The following ZNF704 variants were observed in gnomAD, a reference collection of about 807,000 sequenced individuals.
The protein encoded by ZNF704 is glucocorticoid induced gene 1.
A neutral mutation model predicts 44.7 loss-of-function variants in ZNF704; 10 were observed. The ratio of observed to expected loss-of-function variants is 0.22; its 90% confidence interval spans 0.14 to 0.38. ZNF704 has a LOEUF of 0.38. Among genes scored for constraint, ZNF704 ranks in the 10% least tolerant of loss-of-function variants. ZNF704 has a pLI of 1.00. For missense variants in ZNF704, 390 were observed against 545.5 expected (o/e 0.71, Z 2.84); for synonymous variants, 211 against 207.6 (o/e 1.02, Z -0.14).
chr8:80,704,830 T>C (rs575456523), intron 2 of ZNF704, among the ~76,000 whole-genome samples: 1 of 152,302 alleles, frequency 6.6e-6, no homozygotes, highest in African/African-American at 2.4e-5. Flanking sequence ...ATAACCTTCA[T>C]AATAAACCAG....
chr8:80,666,212 GTGTT>G (rs1156472158), intron 5 of ZNF704, among the ~76,000 whole-genome samples: 3 of 145,942 alleles, frequency 2.1e-5, no homozygotes, highest in Admixed American at 1.4e-4. Context: ...AGAATATGCA[GTGTT>G]TGGTTTTTTG....
intron 7 of ZNF704, among the ~76,000 whole-genome samples, chr8:80,651,428 T>C (rs1734499465): frequency 6.6e-6 from 1 of 152,106 alleles, no homozygotes; most frequent in South Asian, 2.1e-4. Context: ...ACCCATCTCA[T>C]GTGCAGAGAC....
chr8:80,662,733 G>A (rs535887771), intron 6 of ZNF704, among the ~76,000 whole-genome samples: 52 of 152,276 alleles, frequency 3.4e-4, no homozygotes, highest in African/African-American at 1.3e-3. Context: ...GCCATAAACT[G>A]TTCCCTCATA....
chr8:80,733,790 C>T (rs1363597228), intron 2 of ZNF704, among the ~76,000 whole-genome samples: 1 of 152,132 alleles, frequency 6.6e-6, no homozygotes, highest in Non-Finnish European at 1.5e-5. Context: ...CCATATTTTC[C>T]CATAATTTTA....
chr8:80,797,765 T>C lies in ZNF704; in HGVS notation c.221+23609A>G, dbSNP rs142514601. Reference sequence around the variant, plus strand: ...TAAAATGTCTTCAGGGTCTTTCTTCTAGTCTCTTAATCATCCCTTCTCTCT... The same window carrying C: ...TAAAATGTCTTCAGGGTCTTTCTTCCAGTCTCTTAATCATCCCTTCTCTCT... On this transcript the variant is annotated intron_variant, in intron 2 of 8. Coordinates refer to ENST00000327835, the MANE Select transcript of ZNF704 (RefSeq NM_001033723.3). Among the ~76,000 whole-genome samples the C allele has an allele frequency of 3.8e-4, 58 of 152,282 alleles. 1 individual carries two copies. The East Asian group carries it at 7.5e-3, about 20-fold the overall frequency.
chr8:80,676,186 G>C (rs1423277742), intron 4 of ZNF704, among the ~76,000 whole-genome samples: 1 of 152,178 alleles, frequency 6.6e-6, no homozygotes, highest in East Asian at 1.9e-4. Context: ...TAATAGACTG[G>C]AGAGTAAGTG....
intron 7 of ZNF704, among the ~76,000 whole-genome samples, chr8:80,656,956 T>C (rs1818025158): frequency 6.6e-6 from 1 of 152,214 alleles, no homozygotes; most frequent in South Asian, 2.1e-4. Flanking sequence ...CTTACAACTT[T>C]TAGAGCTTTG....
intron 1 of ZNF704, among the ~76,000 whole-genome samples, chr8:80,835,789 G>C (rs1000091609): frequency 6.6e-6 from 1 of 152,148 alleles, no homozygotes; most frequent in African/African-American, 2.4e-5. Flanking sequence ...TCAGGATACA[G>C]AATTTCAAAT....
In ZNF704 at chr8:80,641,744, C is replaced by A. The variant is rs151124338; in HGVS notation, c.1128-267G>T. Among the ~76,000 whole-genome samples, 180 of 152,176 alleles carry A rather than the reference C, an allele frequency of 1.2e-3. 1 individual carries two copies. Among genetic ancestry groups the A allele is most frequent in the African/African-American group, 3.9e-3 (163 of 41,526 alleles). ...ATTAGCCAGGCATGTACCTGTAATC[C>A]CAGCTACTCAGGAGGCTGAGGCAGG... On this transcript the variant is annotated intron_variant, in intron 8 of 8. Coordinates refer to ENST00000327835, the MANE Select transcript of ZNF704 (RefSeq NM_001033723.3).
intron 2 of ZNF704, among the ~76,000 whole-genome samples, chr8:80,764,536 C>T (rs1807194932): frequency 6.6e-6 from 1 of 152,166 alleles, no homozygotes; most frequent in South Asian, 2.1e-4. Context: ...TGGATGGGGA[C>T]AGAGAACTAA....
chr8:80,666,724 A>C (rs2131612058), intron 5 of ZNF704, among the ~76,000 whole-genome samples: 1 of 151,472 alleles, frequency 6.6e-6, no homozygotes, highest in Middle Eastern at 3.4e-3. Flanking sequence ...AGTGATGATG[A>C]GCATTTTTTC....
At chr8:80,698,740 T>C (rs756071703) in intron 2 of ZNF704, among the ~76,000 whole-genome samples, 56 of 152,224 alleles carry the variant, frequency 3.7e-4, no homozygotes, top group Admixed American at 5.9e-4. Context: ...ATCAGCGCAG[T>C]GCGCAGCATC....
chr8:80,688,631 T>A (rs1222177808), intron 3 of ZNF704, among the ~76,000 whole-genome samples: 3 of 152,208 alleles, frequency 2.0e-5, no homozygotes, highest in Non-Finnish European at 4.4e-5. Context: ...AAAGCTGGGA[T>A]AGGATAAGAA....
At chr8:80,814,611 TA>T (rs1447055759) in intron 2 of ZNF704, among the ~76,000 whole-genome samples, 1 of 152,230 alleles carries the variant, frequency 6.6e-6, no homozygotes, top group Non-Finnish European at 1.5e-5. Flanking sequence ...GTCCACCAAT[TA>T]TACAGTACCA....
At chr8:80,840,177 T>C (rs149289119) in intron 1 of ZNF704, among the ~76,000 whole-genome samples, 9 of 152,304 alleles carry the variant, frequency 5.9e-5, no homozygotes, top group Non-Finnish European at 5.9e-5. Context: ...ACAGAAGAGA[T>C]TGCTACCCCA....
At chr8:80,846,783 A>G (rs1392269795) in intron 1 of ZNF704, among the ~76,000 whole-genome samples, 1 of 152,214 alleles carries the variant, frequency 6.6e-6, no homozygotes, top group Non-Finnish European at 1.5e-5. Context: ...TCCTAAAGAT[A>G]CCCAGCTCAG....
At chr8:80,872,880 G>A (rs1809277539) in intron 1 of ZNF704, among the ~76,000 whole-genome samples, 1 of 151,986 alleles carries the variant, frequency 6.6e-6, no homozygotes, top group Non-Finnish European at 1.5e-5. Context: ...TTTTGAGGAG[G>A]GAAAAAAACC....
chr8:80,710,708 G>A (rs1224901758), intron 2 of ZNF704, among the ~76,000 whole-genome samples: 1 of 152,072 alleles, frequency 6.6e-6, no homozygotes, highest in Non-Finnish European at 1.5e-5. Flanking sequence ...GCCAGGAAGA[G>A]GACCTTCAAC....
chr8:80,735,235 G>C lies in ZNF704; in HGVS notation c.222-42128C>G, dbSNP rs141503754. On this transcript the variant is annotated intron_variant, in intron 2 of 8. Transcript: ENST00000327835. ...GTTGTGATTCTCTTCTGGCTTAGGT[G>C]CTCTCTTTCCTCCTTACCTATCCAA... 6.2e-4 allele frequency among the ~76,000 whole-genome samples: 95 copies of C among 152,320 alleles called. 2 individuals are homozygous for C. In the South Asian group the frequency reaches 0.011, roughly 17 times the overall value.
Sources: gnomAD v4.1 joint callset for allele counts (sites outside exome capture counted in the v4.1 genomes callset) on GRCh38, gnomAD v4.1.1 for gene constraint, MANE v1.5 for transcripts, NCBI Gene and HGNC (gene_info 2026-07-23, HGNC 2026-07-21) for gene names.